The following CYREN variants were observed in gnomAD, a reference collection of about 807,000 sequenced individuals.
The protein encoded by CYREN is cell cycle regulator of non-homologous end joining.
CYREN carries 7 observed loss-of-function variants against 9.7 expected under a neutral mutation model. The observed-to-expected ratio is 0.72, with a 90% confidence interval of 0.41 to 1.36. The LOEUF is 1.36. Among genes scored for constraint, CYREN ranks in the 40% most tolerant of loss-of-function variants. The pLI, the probability that CYREN is intolerant of heterozygous loss-of-function variation, is 0.01. For synonymous variants in CYREN, 76 were observed against 77.9 expected (o/e 0.98, Z 0.13); for missense variants, 215 against 198.1 (o/e 1.09, Z -0.51).
intron 2 of CYREN, chr7:135,168,291 A>ACCT (rs1554392990): frequency 1.6e-4 from 1 of 6,354 alleles, no homozygotes; most frequent in Non-Finnish European, 3.4e-4. Context: ...GAGACTCACC[A>ACCT]CCCCCCCCCC....
At chr7:135,167,828 G>A in intron 2 of CYREN, 21 bp from the exon 3 acceptor site, 1 of 1,614,072 alleles carries the variant, frequency 6.2e-7, no homozygotes, top group Non-Finnish European at 8.5e-7. Flanking sequence ...GACATGCAAG[G>A]CACAGATGAC....
At chr7:135,148,405 A>C in intron 2 of CYREN, 1 of 297,276 alleles carries the variant, frequency 3.4e-6, no homozygotes. Context: ...AGTATCTGTG[A>C]CCCTCCCTCG....
chr7:135,161,426 T>C (rs1213573174), downstream of CYREN, among the ~76,000 whole-genome samples: 1 of 152,168 alleles, frequency 6.6e-6, no homozygotes, highest in Non-Finnish European at 1.5e-5. The surrounding 1 kb of genome is among the most constrained non-coding windows in gnomAD (Gnocchi z 4.1). Flanking sequence ...CCCTTCCCAG[T>C]TGGTCCTGAA....
intron 2 of CYREN, among the ~76,000 whole-genome samples, chr7:135,153,331 G>A (rs145167951): frequency 0.068 from 10,354 of 151,912 alleles, 424 homozygotes; most frequent in East Asian, 0.19. Context: ...TCACGCACCT[G>A]TAGTCCTAGC....
chr7:135,170,252 G>A (rs1310595956), intron 1 of CYREN: 2 of 152,358 alleles, frequency 1.3e-5, no homozygotes, highest in African/African-American at 4.8e-5. Flanking sequence ...CCGGGTCTCT[G>A]GGGCACCGCG....
At chr7:135,143,982 C>T (rs1053647382) in intron 2 of CYREN, among the ~76,000 whole-genome samples, 4 of 152,142 alleles carry the variant, frequency 2.6e-5, no homozygotes, top group Admixed American at 2.6e-4. Flanking sequence ...ACAGTCACTC[C>T]AGCTCCCAGT....
chr7:135,135,260 A>T, intron 2 of CYREN: 1 of 1,512,202 alleles, frequency 6.6e-7, no homozygotes, highest in Non-Finnish European at 8.9e-7. Flanking sequence ...AGGGAGAGTT[A>T]ATCTAGCTTT....
intron 2 of CYREN, among the ~76,000 whole-genome samples, chr7:135,114,774 T>G (rs1428855171): frequency 6.6e-6 from 1 of 152,188 alleles, no homozygotes; most frequent in Non-Finnish European, 1.5e-5. Flanking sequence ...CAATCTGTTC[T>G]CAACTTGACA....
chr7:135,154,583 TTTGTC>T (rs1193442319), intron 2 of CYREN, among the ~76,000 whole-genome samples: 1 of 152,214 alleles, frequency 6.6e-6, no homozygotes, highest in Non-Finnish European at 1.5e-5. Context: ...ATGTTTTTAA[TTTGTC>T]TTAATTTCTT....
In CYREN at chr7:135,168,832, C is replaced by T. The variant is rs747904577; in HGVS notation, c.91G>A (p.Ala31Thr). 24 of 1,614,110 alleles carry T rather than the reference C, an allele frequency of 1.5e-5. No individual in the cohort carries two copies. The highest frequency in any genetic ancestry group is 2.0e-5 in the Non-Finnish European group (24 of 1,179,978). Residue 31 changes from alanine (A) to threonine (T), a missense_variant, in exon 2 of 4, where the codon GCC becomes ACC. Ala to Thr is a moderately conservative substitution (Grantham distance 58, BLOSUM62 0). Transcript: ENST00000393114. ...VATKNVAPMK[A>T]PKRMRMAAVP... Reference sequence around the variant, plus strand: ...GCTGCCATTCTCATCCTCTTGGGGGCCTTCATTGGTGCCACATTCTTTGTA... The same window carrying T: ...GCTGCCATTCTCATCCTCTTGGGGGTCTTCATTGGTGCCACATTCTTTGTA...
chr7:135,128,585 G>A (rs1218929607), intron 2 of CYREN: 7 of 771,572 alleles, frequency 9.1e-6, no homozygotes, highest in Non-Finnish European at 1.7e-5. Flanking sequence ...CAAGATGTTT[G>A]TGAGCGCTAT....
At chr7:135,163,646 A>AAAAC (rs969567514), downstream of CYREN, among the ~76,000 whole-genome samples, 2 of 152,214 alleles carry the variant, frequency 1.3e-5, no homozygotes, top group Admixed American at 6.5e-5. Flanking sequence ...CTCCATCTCA[A>AAAAC]AAACAAACAA....
At chr7:135,149,197 T>A (rs1829613538) in intron 2 of CYREN, among the ~76,000 whole-genome samples, 1 of 152,326 alleles carries the variant, frequency 6.6e-6, no homozygotes, top group Admixed American at 6.5e-5. Flanking sequence ...TCTTTTTTTT[T>A]CATAAATGTA....
chr7:135,171,323 T>G (rs1830644403), upstream of CYREN, among the ~76,000 whole-genome samples: 2 of 13,822 alleles, frequency 1.4e-4, no homozygotes, highest in Admixed American at 1.4e-3. Context: ...TTTTTTTTTT[T>G]TTTAAAAAAA....
chr7:135,168,872 C>A lies in CYREN; in HGVS notation c.51G>T (p.Leu17=), dbSNP rs1830440372. The A allele has an allele frequency of 6.2e-7, 1 of 1,613,822 alleles. No individual in the cohort carries two copies. ...ETKTRVLPSW[L]TAQVATKNVA... ...CATTCTTTGTAGCCACCTGGGCTGT[C>A]AGCCATGAGGGAAGGACCCTCGTTT... Residue 17 remains leucine, a synonymous_variant, in exon 2 of 4, where the codon CTG becomes CTT. Coordinates refer to ENST00000393114, the MANE Select transcript of CYREN (RefSeq NM_024033.4).
At chr7:135,112,532 T>C (rs1048350738) in intron 2 of CYREN, among the ~76,000 whole-genome samples, 4 of 152,232 alleles carry the variant, frequency 2.6e-5, no homozygotes, top group African/African-American at 9.6e-5. Flanking sequence ...TGTCCTTTTT[T>C]ACTTGGCTGA....
intron 2 of CYREN, among the ~76,000 whole-genome samples, chr7:135,102,546 C>T (rs1284822213): frequency 6.6e-6 from 1 of 151,800 alleles, no homozygotes; most frequent in Non-Finnish European, 1.5e-5. Flanking sequence ...TATGACAAGC[C>T]AGTAGACCAT....
At chr7:135,120,610 A>G (rs963454478) in intron 2 of CYREN, among the ~76,000 whole-genome samples, 7 of 152,230 alleles carry the variant, frequency 4.6e-5, no homozygotes, top group African/African-American at 1.7e-4. Context: ...CTATTACATT[A>G]AATGTAAATG....
At chr7:135,096,949 T>C (rs1175948947) in intron 2 of CYREN, among the ~76,000 whole-genome samples, 1 of 152,160 alleles carries the variant, frequency 6.6e-6, no homozygotes, top group Admixed American at 6.5e-5. Flanking sequence ...AAAGCACATA[T>C]GAAGACTGAA....
Sources: gnomAD v4.1 joint callset for allele counts (sites outside exome capture counted in the v4.1 genomes callset) on GRCh38, gnomAD v4.1.1 for gene constraint, Gnocchi (gnomAD v3.1) non-coding constraint, MANE v1.5 for transcripts, NCBI Gene and HGNC (gene_info 2026-07-23, HGNC 2026-07-21) for gene names.